Variants in CIT observed in about 807,000 individuals in gnomAD.
CIT encodes the protein citron rho-interacting serine/threonine kinase.
A neutral mutation model predicts 272.7 loss-of-function variants in CIT; 79 were observed. The ratio of observed to expected loss-of-function variants is 0.29; its 90% CI spans 0.24 to 0.35. The LOEUF (loss-of-function observed/expected upper bound fraction) is 0.35, where lower values mean the gene tolerates loss of function less well. CIT is among the 10% of genes least tolerant of loss of function. The pLI, the probability that CIT is intolerant of heterozygous loss-of-function variation, is 1.00. For synonymous variants in CIT, 948 were observed against 995.6 expected (o/e 0.95, Z 0.90); for missense variants, 1,909 against 2,618.3 (o/e 0.73, Z 5.91).
intron 9 of CIT, among the ~76,000 whole-genome samples, chr12:119,812,821 C>G (rs1405520711): frequency 6.6e-6 from 1 of 151,796 alleles, no homozygotes; most frequent in African/African-American, 2.4e-5. Flanking sequence ...CTAGTCTCAC[C>G]CTTCTACTCA....
At chr12:119,835,966 T>C (rs1344028095) in intron 5 of CIT, among the ~76,000 whole-genome samples, 2 of 152,040 alleles carry the variant, frequency 1.3e-5, no homozygotes, top group Non-Finnish European at 2.9e-5. Flanking sequence ...AAGAGTAAGG[T>C]TCCACTTGTA....
chr12:119,805,993 C>T (rs1191804770), intron 9 of CIT, among the ~76,000 whole-genome samples: 4 of 151,868 alleles, frequency 2.6e-5, no homozygotes, highest in African/African-American at 9.7e-5. Flanking sequence ...AAAAATTAGC[C>T]AGATGTGATG....
intron 46 of CIT, among the ~76,000 whole-genome samples, chr12:119,695,707 G>A (rs1956189446): frequency 6.6e-6 from 1 of 152,034 alleles, no homozygotes; most frequent in Non-Finnish European, 1.5e-5. Context: ...GAGGTAGGAG[G>A]ATCACCTGAG....
chr12:119,820,880 G>A (rs867590477), intron 9 of CIT, among the ~76,000 whole-genome samples: 14 of 152,250 alleles, frequency 9.2e-5, no homozygotes, highest in African/African-American at 3.4e-4. Context: ...TGAGGTGGGA[G>A]GACTGCTTGA....
chr12:119,723,674 C>A (rs915871057), intron 28 of CIT, among the ~76,000 whole-genome samples: 2 of 151,994 alleles, frequency 1.3e-5, no homozygotes, highest in Admixed American at 1.3e-4. Flanking sequence ...TGGATCAAGA[C>A]CAACAAGAAA....
Position 119,708,255 on chromosome 12 carries a change from T to C in CIT, c.5135A>G (p.His1712Arg). ...TGAGATGTCGGGCTGGGCAGGCAGG[T>C]GGGACTGGGCCAGGGACTGTTTCAC... ...KKVKQSLAQSHLPAQPDISPN... is the reference protein window; with the variant it reads ...KKVKQSLAQSRLPAQPDISPN... The change falls in exon 40 of 48, where the codon CAC becomes CGC. Residue 1712 changes from histidine to arginine, a missense_variant. Transcript: ENST00000392521. The C allele has an allele frequency of 6.2e-7, 1 of 1,608,000 alleles. No homozygotes were observed. The highest frequency in any genetic ancestry group is 8.5e-7 in the Non-Finnish European group (1 of 1,177,528).
intron 40 of CIT, among the ~76,000 whole-genome samples, chr12:119,706,688 T>C (rs560819999): frequency 2.0e-5 from 3 of 152,350 alleles, no homozygotes; most frequent in South Asian, 2.1e-4. Flanking sequence ...CAGTCTACCA[T>C]TGATGGGCAT....
At chr12:119,726,534 C>T (rs1053035881) in intron 28 of CIT, among the ~76,000 whole-genome samples, 1 of 151,740 alleles carries the variant, frequency 6.6e-6, no homozygotes, top group Non-Finnish European at 1.5e-5. Flanking sequence ...TTATACTCAC[C>T]CGCAAAAATG....
Position 119,712,080 on chromosome 12 carries a change from G to T in CIT, c.4854+98C>A. 8.3e-7 allele frequency: 1 copy of T among 1,202,200 alleles called. No individual in the cohort carries two copies. 74.5% of individuals were successfully genotyped at this position (1,202,200 alleles called of 1,614,324 possible). A position where few individuals can be genotyped will look rare whatever the true frequency, so the allele number is the denominator to read the frequency against. ...TCAGCCCTCAGAGAGAGAGCCTGAGGGGAATCAAAATGGCCAATGGGATTC... is the reference window on the plus strand; with the variant it reads ...TCAGCCCTCAGAGAGAGAGCCTGAGTGGAATCAAAATGGCCAATGGGATTC... On this transcript the variant is annotated intron_variant, in intron 37 of 47. Coordinates refer to ENST00000392521, the MANE Select transcript of CIT (RefSeq NM_001206999.2). The surrounding 1 kb of genome is among the most constrained non-coding windows in gnomAD (Gnocchi z 5.2).
intron 5 of CIT, among the ~76,000 whole-genome samples, chr12:119,837,220 G>C (rs140732356): frequency 6.6e-6 from 1 of 152,298 alleles, no homozygotes; most frequent in Non-Finnish European, 1.5e-5. Context: ...CATTTACTAA[G>C]TAAATGTGGC....
At chr12:119,729,424 A>T (rs1032597307) in intron 27 of CIT, among the ~76,000 whole-genome samples, 1 of 151,850 alleles carries the variant, frequency 6.6e-6, no homozygotes, top group African/African-American at 2.4e-5. Context: ...AAAATACTGG[A>T]AGTTCAAATT....
chr12:119,857,092 C>T (rs912136392), intron 4 of CIT, among the ~76,000 whole-genome samples: 4 of 152,170 alleles, frequency 2.6e-5, no homozygotes, highest in African/African-American at 7.2e-5. Context: ...AGCCACATAA[C>T]AAAGAATGTT....
chr12:119,728,701 T>A lies in CIT; in HGVS notation c.3487-95A>T. On this transcript the variant is annotated intron_variant, in intron 27 of 47. Coordinates refer to ENST00000392521, the MANE Select transcript of CIT (RefSeq NM_001206999.2). This position sits in a 1 kb window ranked among gnomAD's most constrained non-coding sequence, Gnocchi z 4.3. ...TCCACGAACCTTCACGGAGAAAGAATATTGAGTTCTAAAGGTCAGAACGTA... is the reference window on the plus strand; with the variant it reads ...TCCACGAACCTTCACGGAGAAAGAAAATTGAGTTCTAAAGGTCAGAACGTA... 1 of 859,318 alleles carries A rather than the reference T, an allele frequency of 1.2e-6. No individual in the cohort carries two copies. The highest frequency in any genetic ancestry group is 1.9e-6 in the Non-Finnish European group (1 of 538,472). The allele number at this position is 859,318 out of a possible 1,614,324, so 53.2% of individuals were successfully genotyped here.
chr12:119,693,177 G>GGGCA (rs1956052241), intron 46 of CIT, among the ~76,000 whole-genome samples: 1 of 152,120 alleles, frequency 6.6e-6, no homozygotes, highest in Middle Eastern at 3.2e-3. Flanking sequence ...CAAGCCAAGT[G>GGGCA]GGCAGTCTTC....
At chr12:119,799,646 A>T (rs1055977204) in intron 10 of CIT, among the ~76,000 whole-genome samples, 1 of 152,178 alleles carries the variant, frequency 6.6e-6, no homozygotes, top group African/African-American at 2.4e-5. Flanking sequence ...TCAAGATCCC[A>T]TTACCCTCAG....
intron 9 of CIT, among the ~76,000 whole-genome samples, chr12:119,815,922 G>C (rs1967143048): frequency 6.6e-6 from 1 of 152,064 alleles, no homozygotes; most frequent in Non-Finnish European, 1.5e-5. Context: ...TCTGCTATGG[G>C]CTATACCACT....
At chr12:119,856,369 G>A (rs1467898931) in intron 4 of CIT, among the ~76,000 whole-genome samples, 2 of 152,116 alleles carry the variant, frequency 1.3e-5, no homozygotes, top group African/African-American at 4.8e-5. Context: ...CATCATGAAT[G>A]CACTGAATAC....
At chr12:119,769,638 C>G (rs1962859977) in intron 18 of CIT, among the ~76,000 whole-genome samples, 1 of 152,058 alleles carries the variant, frequency 6.6e-6, no homozygotes, top group South Asian at 2.1e-4. Context: ...TGACAATAGC[C>G]AAGAGAAACT....
intron 22 of CIT, among the ~76,000 whole-genome samples, chr12:119,756,525 C>T (rs1225012313): frequency 6.6e-6 from 1 of 152,152 alleles, no homozygotes. Flanking sequence ...CCTTGGCCCG[C>T]GGCCCATCCA....
Sources: gnomAD v4.1 joint callset for allele counts (sites outside exome capture counted in the v4.1 genomes callset) on GRCh38, gnomAD v4.1.1 for gene constraint, Gnocchi (gnomAD v3.1) non-coding constraint, MANE v1.5 for transcripts, NCBI Gene and HGNC (gene_info 2026-07-23, HGNC 2026-07-21) for gene names.